CCNH: variants seen among roughly 807,000 people sequenced by gnomAD.
CCNH encodes cyclin-H.
Under a neutral mutation model 41.9 loss-of-function variants are expected in CCNH, and 31 were observed. That is an observed-to-expected ratio of 0.74 (90% CI 0.56 to 1.00). The LOEUF is 1.00. Among genes scored for constraint, CCNH ranks in the 50% least tolerant of loss-of-function variants. The pLI is 0.00. For missense variants in CCNH, 362 were observed against 388.4 expected (o/e 0.93, Z 0.57); for synonymous variants, 138 against 136.1 (o/e 1.01, Z -0.10).
intron 9 of CCNH, chr5:87,333,450 T>C (rs1284689052): frequency 1.3e-6 from 2 of 1,484,872 alleles, no homozygotes; most frequent in Non-Finnish European, 9.1e-7. Flanking sequence ...TACAGCAAGG[T>C]GAAAGAGCTT....
chr5:87,393,849 T>C (rs891713283), downstream of CCNH: 1 of 152,090 alleles, frequency 6.6e-6, no homozygotes, highest in Non-Finnish European at 1.5e-5. Context: ...TACCTACTTA[T>C]CTATACTAGC....
intron 4 of CCNH, among the ~76,000 whole-genome samples, chr5:87,406,866 TA>T (rs1408011760): frequency 6.6e-6 from 1 of 152,128 alleles, no homozygotes; most frequent in African/African-American, 2.4e-5. Flanking sequence ...AGATGCGCGA[TA>T]AATACCTGAT....
At chr5:87,374,215 AT>A, downstream of CCNH, 1 of 1,589,538 alleles carries the variant, frequency 6.3e-7, no homozygotes, top group Non-Finnish European at 8.6e-7. Context: ...CCAGTAAAAC[AT>A]TTTACTAATC....
downstream of CCNH, chr5:87,372,148 A>T (rs746729395): frequency 2.5e-6 from 4 of 1,613,674 alleles, no homozygotes; most frequent in Non-Finnish European, 3.4e-6. Context: ...GGCATTTTGC[A>T]ATTTACGGAA....
At chr5:87,331,796 G>T (rs1307115012) in intron 9 of CCNH, among the ~76,000 whole-genome samples, 1 of 152,084 alleles carries the variant, frequency 6.6e-6, no homozygotes, top group Admixed American at 6.6e-5. Flanking sequence ...TAAAGGAATT[G>T]TATACTTTTA....
At chr5:87,340,158 T>C (rs888617887) in intron 9 of CCNH, among the ~76,000 whole-genome samples, 9 of 152,144 alleles carry the variant, frequency 5.9e-5, no homozygotes, top group Admixed American at 5.9e-4. Context: ...CCCTCTTCCT[T>C]GACATTCTTG....
chr5:87,335,419 G>GTTTTTTTTT (rs34986349), intron 9 of CCNH, among the ~76,000 whole-genome samples: 3 of 72,884 alleles, frequency 4.1e-5, no homozygotes, highest in African/African-American at 5.5e-5. Flanking sequence ...AAAGAATGAG[G>GTTTTTTTTT]TTTTTTTTTT....
rs963929789 is a variant in CCNH at position 87,353,158 on chromosome 5, A to G, written c.*91-34261T>C. 1.2e-6 allele frequency: 2 copies of G among 1,607,038 alleles called. 1 individual carries two copies. The highest frequency in any genetic ancestry group is 1.7e-6 in the Non-Finnish European group (2 of 1,174,194). On this transcript the variant is annotated intron_variant and NMD_transcript_variant, in intron 9 of 9. Transcript: ENST00000645953. Reference sequence around the variant, plus strand: ...TACTAGAAATTTTTATTTTAACAGCATTGGGGACATCATAGATCACTATCG... The same window carrying G: ...TACTAGAAATTTTTATTTTAACAGCGTTGGGGACATCATAGATCACTATCG...
chr5:87,390,049 A>G (rs1263930505), downstream of CCNH, among the ~76,000 whole-genome samples: 1 of 152,224 alleles, frequency 6.6e-6, no homozygotes, highest in African/African-American at 2.4e-5. Flanking sequence ...ACCATGGCCT[A>G]CACTTTGAGA....
At chr5:87,382,764 C>T (rs1761807693) in intron 9 of CCNH, among the ~76,000 whole-genome samples, 1 of 151,956 alleles carries the variant, frequency 6.6e-6, no homozygotes, top group South Asian at 2.1e-4. Flanking sequence ...CTTTTTAAAA[C>T]TTTAGAATTC....
intron 9 of CCNH, among the ~76,000 whole-genome samples, chr5:87,364,884 A>G (rs1760387765): frequency 6.6e-6 from 1 of 152,176 alleles, no homozygotes; most frequent in Non-Finnish European, 1.5e-5. Flanking sequence ...TTATCCTGAT[A>G]GAATGAGGAG....
At chr5:87,379,619 C>T, upstream of CCNH, 3 of 1,386,290 alleles carry the variant, frequency 2.2e-6, no homozygotes, top group South Asian at 1.4e-5. Context: ...AAGATCAATA[C>T]ACACAGAGAT....
Position 87,399,515 on chromosome 5 carries a change from T to C in CCNH, c.761-10A>G, listed in dbSNP as rs374244263. On this transcript the variant is annotated splice_polypyrimidine_tract_variant and intron_variant, in intron 6 of 8. Transcript: ENST00000256897. ...ACTAAGTTTCTCATGCCTATGTGGA[T>C]ACAAAAAAAGAATTTAAACTGAATA... is the stretch of plus-strand genomic sequence containing the variant. 1 of 1,572,470 alleles carries C rather than the reference T, an allele frequency of 6.4e-7. No homozygotes were observed. The highest frequency in any genetic ancestry group is 8.7e-7 in the Non-Finnish European group (1 of 1,143,126).
chr5:87,392,360 G>A (rs1226413469), downstream of CCNH: 1 of 455,784 alleles, frequency 2.2e-6, no homozygotes, highest in African/African-American at 2.0e-5. Flanking sequence ...AACCTATGTG[G>A]CTTCAATCAC....
At chr5:87,363,810 A>G (rs191196004) in intron 9 of CCNH, among the ~76,000 whole-genome samples, 11 of 152,190 alleles carry the variant, frequency 7.2e-5, no homozygotes, top group Admixed American at 6.5e-4. Context: ...ATTTTTTCAC[A>G]TGGTTTAACT....
At chr5:87,372,000 A>C, downstream of CCNH, 1 of 712,294 alleles carries the variant, frequency 1.4e-6, no homozygotes, top group Non-Finnish European at 2.4e-6. Context: ...GTCTGAGAAT[A>C]GAAATGGCAG....
rs761869680 is a variant in CCNH at position 87,412,927 on chromosome 5, C to T, written c.-133G>A. The T allele has an allele frequency of 2.1e-6, 3 of 1,462,004 alleles. No individual in the cohort carries two copies. The highest frequency in any genetic ancestry group is 1.8e-6 in the Non-Finnish European group (2 of 1,105,654). 90.6% of individuals were successfully genotyped at this position (1,462,004 alleles called of 1,614,324 possible). On this transcript the variant is annotated 5_prime_UTR_variant, in exon 1 of 9. Transcript: ENST00000256897. ...GGCGTCCGGCTAGCCGGCGCTGGCG[C>T]GCTGTCGTCACGATTACGCGGCCAG...
upstream of CCNH, chr5:87,380,561 C>T (rs1359038183): frequency 2.5e-6 from 4 of 1,613,162 alleles, no homozygotes; most frequent in Admixed American, 1.7e-5. Flanking sequence ...GCATAAGTGG[C>T]CTACAAATAC....
chr5:87,358,563 C>T lies in CCNH; in HGVS notation c.*90+34207G>A, dbSNP rs138903359. The stretch of plus-strand genomic sequence containing the variant: ...AGAATCTGCCTTCATCTCCTAGTTT[C>T]TAGCTTTGTCCCCTTATGCTGCATG... On this transcript the variant is annotated intron_variant and NMD_transcript_variant, in intron 9 of 9. Coordinates refer to the CCNH transcript ENST00000645953. Among the ~76,000 whole-genome samples the T allele has an allele frequency of 1.8e-4, 27 of 152,336 alleles. No individual in the cohort carries two copies. In the East Asian group the frequency reaches 4.6e-3, roughly 26 times the overall value.
Sources: gnomAD v4.1 joint callset for allele counts (sites outside exome capture counted in the v4.1 genomes callset) on GRCh38, gnomAD v4.1.1 for gene constraint, MANE v1.5 for transcripts, NCBI Gene and HGNC (gene_info 2026-07-23, HGNC 2026-07-21) for gene names.